ATG7: variants seen among roughly 807,000 people sequenced by gnomAD.
ATG7 encodes ubiquitin-like modifier-activating enzyme ATG7.
In ATG7, 70 loss-of-function variants were observed where a neutral mutation model predicts 82.4. That is an observed-to-expected ratio of 0.85 (90% CI 0.70 to 1.04). The LOEUF (loss-of-function observed/expected upper bound fraction) is 1.04, where lower values mean the gene tolerates loss of function less well. ATG7 is among the 50% of genes least tolerant of loss of function. The pLI is 0.00. For missense variants in ATG7, 792 were observed against 864.3 expected, an observed-to-expected ratio of 0.92 and a Z score of 1.05; for synonymous variants, 287 against 313.0, an observed-to-expected ratio of 0.92 and a Z score of 0.88.
At chr3:11,461,762 C>T (rs1002130531) in intron 20 of ATG7, among the ~76,000 whole-genome samples, 4 of 152,116 alleles carry the variant, frequency 2.6e-5, no homozygotes, top group Admixed American at 2.6e-4. Context: ...CGCAGTGGCT[C>T]ACACCTGTAA....
intron 20 of ATG7, among the ~76,000 whole-genome samples, chr3:11,478,291 G>A (rs1437106266): frequency 6.6e-6 from 1 of 152,088 alleles, no homozygotes; most frequent in Non-Finnish European, 1.5e-5. Context: ...CTCTCTTTTA[G>A]AAACATCCCA....
At chr3:11,399,270 C>T (rs747947588) in intron 19 of ATG7, among the ~76,000 whole-genome samples, 17 of 152,230 alleles carry the variant, frequency 1.1e-4, no homozygotes, top group African/African-American at 4.1e-4. Context: ...ATCGCTTGAG[C>T]CCCAGAGGCA....
At chr3:11,340,083 G>C (rs987048625) in intron 11 of ATG7, among the ~76,000 whole-genome samples, 5 of 152,130 alleles carry the variant, frequency 3.3e-5, no homozygotes, top group African/African-American at 9.7e-5. Context: ...GAGAAGTCAG[G>C]GAAGGGAAAC....
rs566060297 is a variant in ATG7, at chr3:11,496,014, T to G, written c.2080-58797T>G. Among the ~76,000 whole-genome samples the G allele has an allele frequency of 3.9e-5, 6 of 152,262 alleles. 1 individual carries two copies. In the South Asian group the frequency reaches 1.2e-3, roughly 32 times the overall value. On this transcript the variant is annotated intron_variant, in intron 20 of 20. Coordinates refer to ENST00000693202, the MANE Select transcript of ATG7 (RefSeq NM_001349232.2). ...CCACATGGTAGCCCTATGACGTAAG[T>G]AAATTTGGGCATGCTCCCTGCATCA...
chr3:11,560,733 G>C (rs2072907713), downstream of ATG7, among the ~76,000 whole-genome samples: 1 of 152,166 alleles, frequency 6.6e-6, no homozygotes. Context: ...AAGAATTCAG[G>C]GTTTCTTAGT....
chr3:11,470,524 A>G (rs1181312975), intron 20 of ATG7, among the ~76,000 whole-genome samples: 4 of 152,222 alleles, frequency 2.6e-5, no homozygotes, highest in Admixed American at 6.5e-5. Flanking sequence ...GTGGTGTGTC[A>G]CTGCTTACTG....
At chr3:11,306,481 G>T (rs1005369910) in intron 5 of ATG7, among the ~76,000 whole-genome samples, 2 of 152,208 alleles carry the variant, frequency 1.3e-5, no homozygotes, top group Non-Finnish European at 2.9e-5. Context: ...GGTCTGAGAG[G>T]TGGCGTAGGC....
chr3:11,535,708 C>T (rs1488845811), intron 20 of ATG7, among the ~76,000 whole-genome samples: 1 of 152,098 alleles, frequency 6.6e-6, no homozygotes, highest in South Asian at 2.1e-4. Context: ...GGTAAAGAAG[C>T]GGGGGCGTGC....
intron 20 of ATG7, among the ~76,000 whole-genome samples, chr3:11,526,952 G>A (rs1249415575): frequency 6.0e-5 from 9 of 151,258 alleles, no homozygotes; most frequent in Admixed American, 5.9e-4. Flanking sequence ...CATCTTTTGA[G>A]ATGTTTAATT....
intron 20 of ATG7, among the ~76,000 whole-genome samples, chr3:11,461,031 A>C (rs1276310654): frequency 6.6e-6 from 1 of 152,206 alleles, no homozygotes. Context: ...AATGACACAC[A>C]TGAGAGAATG....
intron 20 of ATG7, among the ~76,000 whole-genome samples, chr3:11,458,637 T>C (rs1196200345): frequency 6.6e-6 from 1 of 152,240 alleles, no homozygotes; most frequent in Non-Finnish European, 1.5e-5. Context: ...TTCTCCATGC[T>C]GGAACTCAGT....
At chr3:11,388,484 A>C (rs2078492420) in intron 19 of ATG7, among the ~76,000 whole-genome samples, 1 of 148,970 alleles carries the variant, frequency 6.7e-6, no homozygotes, top group Non-Finnish European at 1.5e-5. Flanking sequence ...GCTGGAGTGC[A>C]GTGGCGCTAT....
At position 11,376,982 on chromosome 3, in the gene ATG7, G is replaced by A. The variant is rs185001249; in HGVS notation, c.1876-2990G>A. Among the ~76,000 whole-genome samples, 590 of 152,174 alleles carry A rather than the reference G, an allele frequency of 3.9e-3. 4 individuals carry two copies. Among genetic ancestry groups the A allele is most frequent in the African/African-American group, 0.013 (551 of 41,524 alleles). ...TCTTGATCTCCTGACCTCATCATCC[G>A]CCCTCCTCGGCCTCCCAAAGTGCTG... On this transcript the variant is annotated intron_variant, in intron 18 of 20. Transcript: ENST00000693202.
chr3:11,494,228 C>A (rs1439205174), intron 20 of ATG7, among the ~76,000 whole-genome samples: 2 of 152,140 alleles, frequency 1.3e-5, no homozygotes, highest in Non-Finnish European at 2.9e-5. Context: ...AGAAATGAAA[C>A]TACATGCAGG....
chr3:11,439,072 T>TTC (rs2083631461), intron 20 of ATG7, among the ~76,000 whole-genome samples: 1 of 144,684 alleles, frequency 6.9e-6, no homozygotes, highest in Admixed American at 6.9e-5. Context: ...TTTCTTTCTT[T>TTC]TTTTTTTTTT....
the ATG7 span, among the ~76,000 whole-genome samples, chr3:11,566,880 A>G: frequency 1.3e-5 from 2 of 152,044 alleles, no homozygotes; most frequent in Admixed American, 1.3e-4. Context: ...GTGCACAGAG[A>G]CTTAACGGGT....
chr3:11,420,148 G>A (rs1483456531), intron 19 of ATG7, among the ~76,000 whole-genome samples: 1 of 152,042 alleles, frequency 6.6e-6, no homozygotes, highest in Non-Finnish European at 1.5e-5. Context: ...TAGGATGTTT[G>A]GGGGGAAAAA....
chr3:11,278,998 C>G (rs934188468), intron 1 of ATG7, among the ~76,000 whole-genome samples: 4 of 152,126 alleles, frequency 2.6e-5, no homozygotes, highest in African/African-American at 9.7e-5. Context: ...TAAGCTTATG[C>G]AGAGGCCATG....
chr3:11,515,846 A>C (rs1359069653), intron 20 of ATG7, among the ~76,000 whole-genome samples: 1 of 152,120 alleles, frequency 6.6e-6, no homozygotes, highest in Non-Finnish European at 1.5e-5. Context: ...GACAGTCTAA[A>C]CCACAAGAGA....
Sources: gnomAD v4.1 joint callset for allele counts (sites outside exome capture counted in the v4.1 genomes callset) on GRCh38, gnomAD v4.1.1 for gene constraint, MANE v1.5 for transcripts, NCBI Gene and HGNC (gene_info 2026-07-23, HGNC 2026-07-21) for gene names.